ARID2: variants seen among roughly 807,000 people sequenced by gnomAD.
ARID2 encodes AT-rich interactive domain-containing protein 2.
In ARID2, 32 loss-of-function variants were observed where a neutral mutation model predicts 184.6. That is an observed-to-expected ratio of 0.17 (90% CI 0.13 to 0.23). ARID2 has a LOEUF of 0.23. Among genes scored for constraint, ARID2 ranks in the 10% least tolerant of loss-of-function variants. The pLI is 1.00. For missense variants in ARID2, 1,696 were observed against 2,197.6 expected, an observed-to-expected ratio of 0.77 and a Z score of 4.56; for synonymous variants, 836 against 772.6, an observed-to-expected ratio of 1.08 and a Z score of -1.36.
At chr12:45,764,764 A>G (rs752154307) in intron 3 of ARID2, among the ~76,000 whole-genome samples, 1 of 152,164 alleles carries the variant, frequency 6.6e-6, no homozygotes, top group Non-Finnish European at 1.5e-5. Flanking sequence ...TTTTTAGTTG[A>G]TGAATAATTT....
chr12:45,873,623 A>C (rs1342393392), intron 16 of ARID2, among the ~76,000 whole-genome samples: 7 of 152,262 alleles, frequency 4.6e-5, no homozygotes, highest in Non-Finnish European at 4.4e-5. Flanking sequence ...TCACCACAAG[A>C]AGGCAAATAT....
intron 3 of ARID2, among the ~76,000 whole-genome samples, chr12:45,803,012 A>C (rs1047889554): frequency 6.6e-6 from 1 of 151,718 alleles, no homozygotes; most frequent in Admixed American, 6.6e-5. Context: ...TTTCTTTTCC[A>C]ATTAAAGCAC....
intron 3 of ARID2, among the ~76,000 whole-genome samples, chr12:45,738,607 G>A (rs776924836): frequency 6.6e-6 from 1 of 152,116 alleles, no homozygotes; most frequent in Admixed American, 6.5e-5. Context: ...CACTGCACCC[G>A]GCTGGCCGGA....
intron 15 of ARID2, 44 bp from the exon 16 acceptor site, chr12:45,860,757 T>G: frequency 7.1e-7 from 1 of 1,403,818 alleles, no homozygotes; most frequent in Non-Finnish European, 9.4e-7. Context: ...ATATGAATTT[T>G]TTCAGTGTCA....
Position 45,846,852 on chromosome 12 carries a change from T to C in ARID2, c.1499-4T>C. Reference sequence around the variant, plus strand: ...TGATGTAGCTAATGTATTTTTTTCTTTAGCTTCCAGAGCAGTTGTAGCGCA... The same window carrying C: ...TGATGTAGCTAATGTATTTTTTTCTCTAGCTTCCAGAGCAGTTGTAGCGCA... On this transcript the variant is annotated splice_polypyrimidine_tract_variant and splice_region_variant and intron_variant, in intron 11 of 20. Transcript: ENST00000334344. 6.2e-7 allele frequency: 1 copy of C among 1,612,094 alleles called. No individual in the cohort carries two copies. Among genetic ancestry groups the C allele is most frequent in the Non-Finnish European group, 8.5e-7 (1 of 1,178,950 alleles).
At chr12:45,855,022 C>G (rs1223985568) in intron 15 of ARID2, among the ~76,000 whole-genome samples, 3 of 152,208 alleles carry the variant, frequency 2.0e-5, no homozygotes, top group Non-Finnish European at 1.5e-5. Flanking sequence ...CTTCTTTCCA[C>G]TGTTCTAGAA....
At chr12:45,866,928 TTTGTTGTTGTTGTTGTTG>T (rs369872664) in intron 16 of ARID2, among the ~76,000 whole-genome samples, 1 of 150,054 alleles carries the variant, frequency 6.7e-6, no homozygotes, top group African/African-American at 2.5e-5. Context: ...TTTTGTGAAG[TTTGTTGTTGTTGTTGTTG>T]TTGTTGTTGT....
intron 11 of ARID2, chr12:45,841,583 T>G (rs969896558): frequency 6.6e-6 from 1 of 152,234 alleles, no homozygotes. Flanking sequence ...CTGAAAACTT[T>G]TATAACCTTT....
intron 3 of ARID2, among the ~76,000 whole-genome samples, chr12:45,756,960 A>G (rs1941583328): frequency 6.6e-6 from 1 of 152,218 alleles, no homozygotes; most frequent in Admixed American, 6.5e-5. Context: ...AGCTCTTTTC[A>G]TGGTATTCAC....
chr12:45,819,867 C>T (rs1030689959), intron 5 of ARID2, among the ~76,000 whole-genome samples: 7 of 151,856 alleles, frequency 4.6e-5, no homozygotes, highest in African/African-American at 1.7e-4. Context: ...CCTTAGCCTC[C>T]CAAGTAGCTA....
intron 3 of ARID2, among the ~76,000 whole-genome samples, chr12:45,743,414 G>A (rs1169612488): frequency 2.0e-5 from 3 of 152,080 alleles, no homozygotes; most frequent in Non-Finnish European, 4.4e-5. Context: ...AGGCTTGAGT[G>A]CAGTGGCTAT....
At chr12:45,904,161 C>G (rs1944492203) in intron 20 of ARID2, among the ~76,000 whole-genome samples, 1 of 152,012 alleles carries the variant, frequency 6.6e-6, no homozygotes, top group Non-Finnish European at 1.5e-5. Context: ...TAGAAAACAG[C>G]TTTTATGGCT....
intron 3 of ARID2, among the ~76,000 whole-genome samples, chr12:45,752,012 A>G (rs948269488): frequency 1.3e-5 from 2 of 152,190 alleles, no homozygotes; most frequent in Non-Finnish European, 2.9e-5. Flanking sequence ...TCAAATATAA[A>G]ACTTTGAGGA....
intron 20 of ARID2, among the ~76,000 whole-genome samples, chr12:45,895,351 A>C (rs1944355872): frequency 6.6e-6 from 1 of 152,182 alleles, no homozygotes; most frequent in Non-Finnish European, 1.5e-5. Flanking sequence ...GGAGCACAGT[A>C]CATATTCCCT....
Position 45,907,764 on chromosome 12 carries a change from A to G in ARID2, c.*2686A>G, listed in dbSNP as rs142846976. 4.4e-4 allele frequency: 103 copies of G among 232,826 alleles called. No homozygotes were observed. The highest frequency in any genetic ancestry group is 2.1e-3 in the African/African-American group (95 of 45,432). The allele number at this position is 232,826 out of a possible 1,614,324, so 14.4% of individuals were successfully genotyped here. A position where few individuals can be genotyped will look rare whatever the true frequency, so the allele number is the denominator to read the frequency against. On this transcript the variant is annotated 3_prime_UTR_variant, in exon 21 of 21. Coordinates refer to ENST00000334344, the MANE Select transcript of ARID2 (RefSeq NM_152641.4). ...CTTTAATGTTATCTTTGAGAAATCTATGTAAATAATATAGTCTACAACATA... is the reference window on the plus strand; with the variant it reads ...CTTTAATGTTATCTTTGAGAAATCTGTGTAAATAATATAGTCTACAACATA...
At chr12:45,736,679 G>A (rs1169422817) in intron 3 of ARID2, among the ~76,000 whole-genome samples, 1 of 152,156 alleles carries the variant, frequency 6.6e-6, no homozygotes, top group African/African-American at 2.4e-5. Flanking sequence ...ACAGTCTTTG[G>A]TATTCAGGGC....
At chr12:45,737,531 T>G (rs1941155339) in intron 3 of ARID2, among the ~76,000 whole-genome samples, 1 of 151,356 alleles carries the variant, frequency 6.6e-6, no homozygotes, top group African/African-American at 2.4e-5. Context: ...AATATTCAGA[T>G]TTAATATTTT....
intron 3 of ARID2, among the ~76,000 whole-genome samples, chr12:45,796,241 G>A (rs1224181757): frequency 6.6e-6 from 1 of 151,646 alleles, no homozygotes; most frequent in African/African-American, 2.4e-5. Flanking sequence ...GAATCATACT[G>A]TATGATTTTT....
intron 3 of ARID2, among the ~76,000 whole-genome samples, chr12:45,763,640 A>C (rs1479396064): frequency 7.0e-6 from 1 of 143,120 alleles, no homozygotes; most frequent in Non-Finnish European, 1.5e-5. Context: ...CTGGGACTAC[A>C]AAAAAAAAAA....
Sources: gnomAD v4.1 joint callset for allele counts (sites outside exome capture counted in the v4.1 genomes callset) on GRCh38, gnomAD v4.1.1 for gene constraint, MANE v1.5 for transcripts, NCBI Gene and HGNC (gene_info 2026-07-23, HGNC 2026-07-21) for gene names.